Variants in ZBTB48 observed in about 807,000 individuals in gnomAD.
ZBTB48 encodes the protein zinc finger and BTB domain-containing protein 48.
ZBTB48 carries 35 observed loss-of-function variants against 64.5 expected under a neutral mutation model. The observed-to-expected ratio is 0.54, with a 90% CI of 0.41 to 0.72. ZBTB48 has a LOEUF of 0.72. Ranked by LOEUF, ZBTB48 falls within the 30% of genes least tolerant of loss-of-function variation. ZBTB48 has a pLI of 0.00. For synonymous variants in ZBTB48, 442 were observed against 356.7 expected (o/e 1.24, Z -2.70); for missense variants, 828 against 895.3 (o/e 0.92, Z 0.96).
Position 6,588,043 on chromosome 1 carries a change from T to TGTCCCCAC in ZBTB48, c.1380-16_1380-9dup. On this transcript the variant is annotated splice_polypyrimidine_tract_variant and intron_variant, in intron 7 of 10. Transcript: ENST00000377674. ...TCCCTTGGTGATGGCCTCTGCCCCA[T>TGTCCCCAC]GTCCCCACCTTAACAGGAATGAGAG... 1 of 1,613,898 alleles carries TGTCCCCAC rather than the reference T, an allele frequency of 6.2e-7. No homozygotes were observed. The highest frequency in any genetic ancestry group is 8.5e-7 in the Non-Finnish European group (1 of 1,179,944).
chr1:6,581,205 C>T lies in ZBTB48; in HGVS notation c.596C>T (p.Pro199Leu). The change falls in exon 2 of 11, where the codon CCT becomes CTT. Residue 199 changes from proline (P) to leucine (L), a missense_variant. Pro to Leu is a moderately conservative substitution (Grantham distance 98). Coordinates refer to ENST00000377674, the MANE Select transcript of ZBTB48 (RefSeq NM_005341.4). Reference protein sequence around the residue: ...LCGKLKQALKPCPLEDKKPED... With the variant: ...LCGKLKQALKLCPLEDKKPED... ...GGGAAACTGAAGCAGGCCTTGAAGC[C>T]TTGTCCCCTTGAGGACAAGAAACCC... The T allele has an allele frequency of 6.2e-7, 1 of 1,613,338 alleles. No individual in the cohort carries two copies. Among genetic ancestry groups the T allele is most frequent in the Non-Finnish European group, 8.5e-7 (1 of 1,179,996 alleles).
chr1:6,588,461 G>C lies in ZBTB48; in HGVS notation c.1681+19G>C. On this transcript the variant is annotated intron_variant, in intron 9 of 10. Transcript: ENST00000377674. ...TTCAAAGGTACCTGGGCGGCCCTGG[G>C]AGAGCCATTTCCTGCTCATCCGAGT... 1 of 1,494,082 alleles carries C rather than the reference G, an allele frequency of 6.7e-7. No homozygotes were observed. Among genetic ancestry groups the C allele is most frequent in the Non-Finnish European group, 8.9e-7 (1 of 1,120,388 alleles). 92.6% of individuals were successfully genotyped at this position (1,494,082 alleles called of 1,614,324 possible).
In ZBTB48 at chr1:6,588,446, C is replaced by T; in HGVS notation, c.1681+4C>T. The T allele has an allele frequency of 6.6e-7, 1 of 1,505,372 alleles. No individual in the cohort carries two copies. 93.3% of individuals were successfully genotyped at this position (1,505,372 alleles called of 1,614,324 possible). ...ATATGCGGCAAGACCTTCAAAGGTACCTGGGCGGCCCTGGGAGAGCCATTT... is the reference window on the plus strand; with the variant it reads ...ATATGCGGCAAGACCTTCAAAGGTATCTGGGCGGCCCTGGGAGAGCCATTT... On this transcript the variant is annotated splice_donor_region_variant and intron_variant, in intron 9 of 10. Transcript: ENST00000377674.
chr1:6,587,392 G>C (rs997572458), intron 6 of ZBTB48, 86 bp from the exon 7 acceptor site: 7 of 1,607,818 alleles, frequency 4.4e-6, no homozygotes, highest in Non-Finnish European at 6.0e-6. Context: ...GTTGTTCGGG[G>C]GGGTGCTTGT....
In ZBTB48 at chr1:6,589,043, A is replaced by G. The variant is rs1640785281; in HGVS notation, c.1898A>G (p.Glu633Gly). The change falls in exon 11 of 11, where the codon GAG becomes GGG. Residue 633 changes from glutamate (E) to glycine (G), a missense_variant. Transcript: ENST00000377674. ...GTGGTGGCGCTGCAGCCGCCTGCAG[A>G]GCTGGAGGTGGGCTCGGCGGAGGTC... ...MVVVALQPPAELEVGSAEVIV... is the reference protein window; with the variant it reads ...MVVVALQPPAGLEVGSAEVIV... 2 of 1,600,536 alleles carry G rather than the reference A, an allele frequency of 1.2e-6. No individual in the cohort carries two copies. Among genetic ancestry groups the G allele is most frequent in the Middle Eastern group, 3.4e-4 (2 of 5,962 alleles).
Position 6,580,577 on chromosome 1 carries a change from G to A in ZBTB48, c.-33G>A, listed in dbSNP as rs765034540. ...TGCATACCCTCGCTTAGGCTGGCCG[G>A]GGTGTCACTTCTGCCTCCCTGCCCT... is the stretch of plus-strand genomic sequence containing the variant. On this transcript the variant is annotated 5_prime_UTR_variant, in exon 2 of 11. Coordinates refer to ENST00000377674, the MANE Select transcript of ZBTB48 (RefSeq NM_005341.4). The surrounding 1 kb of genome is among the most constrained non-coding windows in gnomAD (Gnocchi z 5.2). The A allele has an allele frequency of 1.3e-6, 2 of 1,587,214 alleles. No individual in the cohort carries two copies. The highest frequency in any genetic ancestry group is 2.7e-5 in the African/African-American group (2 of 74,208).
chr1:6,582,160 T>C lies in ZBTB48; in HGVS notation c.793T>C (p.Cys265Arg). The change falls in exon 3 of 11, where the codon TGT becomes CGT. Residue 265 changes from cysteine (C) to arginine (R), a missense_variant. Cys to Arg is a radical substitution (Grantham distance 180, BLOSUM62 -3). Coordinates refer to ENST00000377674, the MANE Select transcript of ZBTB48 (RefSeq NM_005341.4). ...RRKSNVIRKP[C>R]AAEPALSAGS... is the part of the protein sequence containing the mutation. ...GAAGTCAAATGTAATCCGAAAGCCCTGTGCAGCTGAGCCAGCCCTGAGCGC... is the reference window on the plus strand; with the variant it reads ...GAAGTCAAATGTAATCCGAAAGCCCCGTGCAGCTGAGCCAGCCCTGAGCGC... The C allele has an allele frequency of 6.2e-7, 1 of 1,614,184 alleles. No individual in the cohort carries two copies. The highest frequency in any genetic ancestry group is 8.5e-7 in the Non-Finnish European group (1 of 1,180,040).
intron 3 of ZBTB48, 68 bp from the exon 4 acceptor site, chr1:6,585,851 G>A: frequency 1.4e-6 from 2 of 1,477,932 alleles, no homozygotes; most frequent in African/African-American, 1.4e-5. Flanking sequence ...GGACCCAGAG[G>A]GGGCCCTGGG....
In ZBTB48 at chr1:6,580,575, C is replaced by T. The variant is rs776565634; in HGVS notation, c.-35C>T. 1.9e-6 allele frequency: 3 copies of T among 1,584,508 alleles called. No homozygotes were observed. Among genetic ancestry groups the T allele is most frequent in the African/African-American group, 1.3e-5 (1 of 74,104 alleles). Reference sequence around the variant, plus strand: ...CTTGCATACCCTCGCTTAGGCTGGCCGGGGTGTCACTTCTGCCTCCCTGCC... The same window carrying T: ...CTTGCATACCCTCGCTTAGGCTGGCTGGGGTGTCACTTCTGCCTCCCTGCC... On this transcript the variant is annotated 5_prime_UTR_variant, in exon 2 of 11. Coordinates refer to ENST00000377674, the MANE Select transcript of ZBTB48 (RefSeq NM_005341.4). This position sits in a 1 kb window ranked among gnomAD's most constrained non-coding sequence, Gnocchi z 5.2.
rs927870955 is a variant in ZBTB48 at position 6,580,254 on chromosome 1, G to A, written c.-70+118G>A. On this transcript the variant is annotated intron_variant, in intron 1 of 10. Transcript: ENST00000377674. The surrounding 1 kb of genome is among the most constrained non-coding windows in gnomAD (Gnocchi z 5.2). ...CTTCGCTCACCTGTCCCCGGCTGCCGCCCTCCGCCGTCCGGGATCCTCTCA... is the reference window on the plus strand; with the variant it reads ...CTTCGCTCACCTGTCCCCGGCTGCCACCCTCCGCCGTCCGGGATCCTCTCA... 5 of 231,268 alleles carry A rather than the reference G, an allele frequency of 2.2e-5. No homozygotes were observed. Among genetic ancestry groups the A allele is most frequent in the African/African-American group, 9.1e-5 (4 of 43,762 alleles). 14.3% of individuals were successfully genotyped at this position (231,268 alleles called of 1,614,324 possible).
intron 4 of ZBTB48, chr1:6,586,337 A>G: frequency 2.0e-6 from 1 of 493,990 alleles, no homozygotes; most frequent in Non-Finnish European, 3.6e-6. Context: ...CAGCTGGGAA[A>G]GGCCCCCTGG....
chr1:6,582,152 G>A lies in ZBTB48; in HGVS notation c.785G>A (p.Arg262Gln), dbSNP rs752916912. The change falls in exon 3 of 11, where the codon CGA (arginine) becomes CAA (glutamine). Residue 262 changes from arginine (R) to glutamine (Q), a missense_variant. Transcript: ENST00000377674. ...VLTRRKSNVIRKPCAAEPALS... is the reference protein window; with the variant it reads ...VLTRRKSNVIQKPCAAEPALS... ...ACCAGGAGGAAGTCAAATGTAATCC[G>A]AAAGCCCTGTGCAGCTGAGCCAGCC... is the stretch of plus-strand genomic sequence containing the variant. 20 of 1,614,050 alleles carry A rather than the reference G, an allele frequency of 1.2e-5. No individual in the cohort carries two copies. The highest frequency in any genetic ancestry group is 1.3e-5 in the African/African-American group (1 of 74,916).
chr1:6,580,595 C>T lies in ZBTB48; in HGVS notation c.-15C>T, dbSNP rs374731308. 6.3e-7 allele frequency: 1 copy of T among 1,599,174 alleles called. No homozygotes were observed. Among genetic ancestry groups the T allele is most frequent in the Non-Finnish European group, 8.5e-7 (1 of 1,169,936 alleles). ...CTGGCCGGGGTGTCACTTCTGCCTC[C>T]CTGCCCTCCAGACCATGGACGGCTC... On this transcript the variant is annotated 5_prime_UTR_variant, in exon 2 of 11. Transcript: ENST00000377674. The surrounding 1 kb of genome is among the most constrained non-coding windows in gnomAD (Gnocchi z 5.2).
chr1:6,588,538 G>A, intron 9 of ZBTB48, 96 bp downstream of exon 9: 1 of 1,450,428 alleles, frequency 6.9e-7, no homozygotes, highest in Non-Finnish European at 9.1e-7. Context: ...AACCTCTTTT[G>A]TGCCCCACAT....
chr1:6,586,690 G>C lies in ZBTB48; in HGVS notation c.1045-5G>C, dbSNP rs1415382153. 1.8e-5 allele frequency: 27 copies of C among 1,540,290 alleles called. No homozygotes were observed. Among genetic ancestry groups the C allele is most frequent in the Non-Finnish European group, 2.4e-5 (27 of 1,142,580 alleles). On this transcript the variant is annotated splice_region_variant and splice_polypyrimidine_tract_variant and intron_variant, in intron 4 of 10. Coordinates refer to ENST00000377674, the MANE Select transcript of ZBTB48 (RefSeq NM_005341.4). Reference sequence around the variant, plus strand: ...GCCGGCCCTGCTTGCCCCTCACACTGCCAGGTCTTCACGTGCTCTGTGTGC... The same window carrying C: ...GCCGGCCCTGCTTGCCCCTCACACTCCCAGGTCTTCACGTGCTCTGTGTGC...
At position 6,588,129 on chromosome 1, in the gene ZBTB48, C is replaced by G; in HGVS notation, c.1449C>G (p.His483Gln). 1 of 1,614,186 alleles carries G rather than the reference C, an allele frequency of 6.2e-7. No individual in the cohort carries two copies. The highest frequency in any genetic ancestry group is 8.5e-7 in the Non-Finnish European group (1 of 1,180,044). ...AFTQKANLNMHLRTHTGEKPF... is the reference protein window; with the variant it reads ...AFTQKANLNMQLRTHTGEKPF... ...CCCAAAAGGCCAATCTCAACATGCA[C>G]CTGCGCACACACACGGGTGAGAAGC... Residue 483 changes from histidine to glutamine, a missense_variant, in exon 8 of 11, where the codon CAC becomes CAG. His to Gln is a conservative substitution (Grantham distance 24, BLOSUM62 0). Coordinates refer to ENST00000377674, the MANE Select transcript of ZBTB48 (RefSeq NM_005341.4).
rs752758479 is a variant in ZBTB48 at position 6,588,925 on chromosome 1, C to T, written c.1780C>T (p.Arg594Trp). 5.6e-6 allele frequency: 9 copies of T among 1,613,022 alleles called. No homozygotes were observed. Among genetic ancestry groups the T allele is most frequent in the Admixed American group, 1.7e-5 (1 of 59,966 alleles). The change falls in exon 11 of 11, where the codon CGG (arginine) becomes TGG (tryptophan). Residue 594 changes from arginine to tryptophan, a missense_variant. Physicochemically the swap from Arg to Trp is moderately radical, Grantham distance 101. Transcript: ENST00000377674. ...GYKFTRQAHLRRHMEIHDRVE... is the reference protein window; with the variant it reads ...GYKFTRQAHLWRHMEIHDRVE... ...TCACCCTCCCCGCCAGGCCCACCTG[C>T]GGAGGCACATGGAGATCCACGACCG...
intron 3 of ZBTB48, among the ~76,000 whole-genome samples, chr1:6,582,737 A>G (rs1056497629): frequency 2.0e-5 from 3 of 152,218 alleles, no homozygotes; most frequent in Non-Finnish European, 4.4e-5. Context: ...TTTCCAGGGA[A>G]GTGTTCACTC....
intron 4 of ZBTB48, 59 bp from the exon 5 acceptor site, chr1:6,586,636 T>C: frequency 6.9e-7 from 1 of 1,447,134 alleles, no homozygotes. Flanking sequence ...GGGCAGAGGC[T>C]GCTGTCATAG....
Sources: allele counts gnomAD v4.1 joint callset (sites outside exome capture counted in the v4.1 genomes callset), GRCh38; gene constraint gnomAD v4.1.1; non-coding constraint Gnocchi (gnomAD v3.1); transcripts MANE v1.5; gene names NCBI Gene and HGNC (gene_info 2026-07-23, HGNC 2026-07-21).